The following SLC44A1 variants were observed in gnomAD, a reference collection of about 807,000 sequenced individuals.
The protein encoded by SLC44A1 is choline transporter-like protein 1.
SLC44A1 carries 26 observed loss-of-function variants against 79.3 expected under a neutral mutation model. The observed-to-expected ratio is 0.33, with a 90% CI of 0.24 to 0.46. The LOEUF is 0.46. Ranked by LOEUF, SLC44A1 falls within the 20% of genes least tolerant of loss-of-function variation. The pLI is 1.00. For synonymous variants in SLC44A1, 263 were observed against 286.2 expected (o/e 0.92, Z 0.82); for missense variants, 688 against 798.1 (o/e 0.86, Z 1.66).
chr9:105,363,306 G>A (rs1008694162), intron 9 of SLC44A1, among the ~76,000 whole-genome samples: 6 of 152,016 alleles, frequency 3.9e-5, no homozygotes, highest in African/African-American at 1.4e-4. Flanking sequence ...GGGACTACAG[G>A]CACATGCCAC....
At chr9:105,384,658 T>C (rs75839471) in intron 14 of SLC44A1, among the ~76,000 whole-genome samples, 2,607 of 152,350 alleles carry the variant, frequency 0.017, 68 homozygotes, top group African/African-American at 0.06. Flanking sequence ...TGTATCTCTT[T>C]TGTGACTAAA....
At chr9:105,418,314 C>CAAAAAAAAAAAAAA (rs10617928) in intron 15 of SLC44A1, among the ~76,000 whole-genome samples, 5 of 57,816 alleles carry the variant, frequency 8.6e-5, no homozygotes, top group African/African-American at 9.9e-5. Context: ...AACTCCGTCT[C>CAAAAAAAAAAAAAA]AAAAAAAAAA....
Position 105,392,538 on chromosome 9 carries a change from A to C in SLC44A1, c.*3482A>C, listed in dbSNP as rs1043568443. On this transcript the variant is annotated 3_prime_UTR_variant, in exon 16 of 16. Transcript: ENST00000374720. ...CTGGGCAGTTTTAGGATTTCACCCT[A>C]GTAGGGGGTATGAGGCACTGACCCC... The C allele has an allele frequency of 2.0e-6, 2 of 983,770 alleles. No homozygotes were observed. Among genetic ancestry groups the C allele is most frequent in the African/African-American group, 3.5e-5 (2 of 56,708 alleles). 60.9% of individuals were successfully genotyped at this position (983,770 alleles called of 1,614,324 possible). A position where few individuals can be genotyped will look rare whatever the true frequency, so the allele number is the denominator to read the frequency against.
In SLC44A1 at chr9:105,325,846, A is replaced by G. The variant is rs549335546; in HGVS notation, c.270-9717A>G. The stretch of plus-strand genomic sequence containing the variant: ...TTAGATTGTAGTAATGAGATGAACA[A>G]CTCCGTCAAATATACTTAAAACATT... On this transcript the variant is annotated intron_variant, in intron 3 of 15. Coordinates refer to ENST00000374720, the MANE Select transcript of SLC44A1 (RefSeq NM_080546.5). Among the ~76,000 whole-genome samples, 9 of 152,274 alleles carry G rather than the reference A, an allele frequency of 5.9e-5. No homozygotes were observed. The East Asian group carries it at 9.6e-4, about 16-fold the overall frequency.
At chr9:105,428,427 C>T (rs1188715749) in intron 15 of SLC44A1, among the ~76,000 whole-genome samples, 2 of 152,142 alleles carry the variant, frequency 1.3e-5, no homozygotes, top group Non-Finnish European at 2.9e-5. Flanking sequence ...TGGAGTAGAT[C>T]TATGATATTC....
At chr9:105,353,215 G>C (rs62575079) in intron 5 of SLC44A1, among the ~76,000 whole-genome samples, 4 of 151,876 alleles carry the variant, frequency 2.6e-5, no homozygotes, top group Admixed American at 2.6e-4. Flanking sequence ...TGGTGCAAAG[G>C]ACTGTTGTTA....
chr9:105,319,756 A>G (rs1196133584), intron 3 of SLC44A1, among the ~76,000 whole-genome samples: 1 of 152,198 alleles, frequency 6.6e-6, no homozygotes, highest in Non-Finnish European at 1.5e-5. Context: ...CAAAGTCCAG[A>G]TCTCTTTCTG....
chr9:105,434,597 T>C (rs1294576917), intron 15 of SLC44A1, among the ~76,000 whole-genome samples: 1 of 152,170 alleles, frequency 6.6e-6, no homozygotes, highest in Non-Finnish European at 1.5e-5. Flanking sequence ...GTTAATTAGA[T>C]GTAGTCTTGG....
intron 6 of SLC44A1, 80 bp downstream of exon 6, chr9:105,356,461 C>A: frequency 1.1e-6 from 1 of 892,966 alleles, no homozygotes; most frequent in Non-Finnish European, 1.7e-6. Flanking sequence ...AATATGAATA[C>A]AACTGGGGAT....
At chr9:105,250,275 C>CACCA (rs1829550766) in intron 1 of SLC44A1, among the ~76,000 whole-genome samples, 1 of 152,146 alleles carries the variant, frequency 6.6e-6, no homozygotes, top group Admixed American at 6.5e-5. Flanking sequence ...GAACTTTCTA[C>CACCA]AGTTGCCATC....
At position 105,393,035 on chromosome 9, in the gene SLC44A1, ATTC is replaced by A. The variant is rs1357572391; in HGVS notation, c.*3982_*3984del. 2 of 985,144 alleles carry A rather than the reference ATTC, an allele frequency of 2.0e-6. No individual in the cohort carries two copies. Among genetic ancestry groups the A allele is most frequent in the African/African-American group, 1.7e-5 (1 of 57,252 alleles). The allele number at this position is 985,144 out of a possible 1,614,324, so 61.0% of individuals were successfully genotyped here. ...TGCACCTGCCACAGTTAATTTCTGT[ATTC>A]TTTTCATACATTCCATCTGACACAT... On this transcript the variant is annotated 3_prime_UTR_variant, in exon 16 of 16. Coordinates refer to ENST00000374720, the MANE Select transcript of SLC44A1 (RefSeq NM_080546.5).
Position 105,396,926 on chromosome 9 carries a change from T to C in SLC44A1, c.*7870T>C, listed in dbSNP as rs1257331561. ...CTGTATTCATGTGGGGGAACAAACATGTAGGTGCTTGAACATGCCCCACAG... is the reference window on the plus strand; with the variant it reads ...CTGTATTCATGTGGGGGAACAAACACGTAGGTGCTTGAACATGCCCCACAG... On this transcript the variant is annotated 3_prime_UTR_variant, in exon 16 of 16. Coordinates refer to ENST00000374720, the MANE Select transcript of SLC44A1 (RefSeq NM_080546.5). 5.1e-6 allele frequency: 5 copies of C among 985,176 alleles called. No homozygotes were observed. The highest frequency in any genetic ancestry group is 6.0e-6 in the Non-Finnish European group (5 of 829,694). The allele number at this position is 985,176 out of a possible 1,614,324, so 61.0% of individuals were successfully genotyped here.
intron 15 of SLC44A1, among the ~76,000 whole-genome samples, chr9:105,409,853 C>T (rs1564055239): frequency 1.3e-5 from 2 of 152,084 alleles, no homozygotes; most frequent in Non-Finnish European, 2.9e-5. Context: ...TGAAGAGCAT[C>T]ATACACCAAC....
At position 105,246,569 on chromosome 9, in the gene SLC44A1, C is replaced by T. The variant is rs547234137; in HGVS notation, c.36+1665C>T. On this transcript the variant is annotated intron_variant, in intron 1 of 15. Coordinates refer to ENST00000374720, the MANE Select transcript of SLC44A1 (RefSeq NM_080546.5). Reference sequence around the variant, plus strand: ...ATTAACATATAAAGGTGTAGAATTGCACATAACTTTCAACTGGTTAGGAAT... The same window carrying T: ...ATTAACATATAAAGGTGTAGAATTGTACATAACTTTCAACTGGTTAGGAAT... Among the ~76,000 whole-genome samples, 36 of 152,102 alleles carry T rather than the reference C, an allele frequency of 2.4e-4. 1 individual carries two copies. The highest frequency in any genetic ancestry group is 6.5e-5 in the Admixed American group (1 of 15,284).
chr9:105,262,716 C>T (rs1829869548), intron 1 of SLC44A1, among the ~76,000 whole-genome samples: 1 of 152,136 alleles, frequency 6.6e-6, no homozygotes, highest in Non-Finnish European at 1.5e-5. Flanking sequence ...TTTAGTGTTC[C>T]ATGGCCATGG....
chr9:105,284,626 G>C (rs1306288224), intron 1 of SLC44A1, among the ~76,000 whole-genome samples: 2 of 151,806 alleles, frequency 1.3e-5, no homozygotes, highest in African/African-American at 4.8e-5. Context: ...TATTACCCAA[G>C]TCTTTACCTT....
At chr9:105,305,386 A>T (rs1831000563) in intron 2 of SLC44A1, among the ~76,000 whole-genome samples, 1 of 151,932 alleles carries the variant, frequency 6.6e-6, no homozygotes. Flanking sequence ...ATTTTGTTTA[A>T]TTTGTTTACA....
chr9:105,318,303 C>T (rs557769913), intron 3 of SLC44A1, among the ~76,000 whole-genome samples: 43 of 152,282 alleles, frequency 2.8e-4, no homozygotes, highest in African/African-American at 1.0e-3. Context: ...GCCTTAGCCT[C>T]CCAAGTAGCT....
intron 1 of SLC44A1, among the ~76,000 whole-genome samples, chr9:105,272,270 A>C (rs1018507217): frequency 6.6e-6 from 1 of 152,152 alleles, no homozygotes; most frequent in Admixed American, 6.6e-5. Context: ...TGTCTTCTTT[A>C]TATCTCCTAC....
Sources: gnomAD v4.1 joint callset for allele counts (sites outside exome capture counted in the v4.1 genomes callset) on GRCh38, gnomAD v4.1.1 for gene constraint, MANE v1.5 for transcripts, NCBI Gene and HGNC (gene_info 2026-07-23, HGNC 2026-07-21) for gene names.